The following KDM5B variants were observed in gnomAD, a reference collection of about 807,000 sequenced individuals.
The protein encoded by KDM5B is lysine demethylase 5B, also known as lysine-specific demethylase 5B.
In KDM5B, 144 loss-of-function variants were observed where a neutral mutation model predicts 193.4. That is an observed-to-expected ratio of 0.74 (90% CI 0.65 to 0.86). The LOEUF is 0.86. Among genes scored for constraint, KDM5B ranks in the 40% least tolerant of loss-of-function variants. The pLI, the probability that KDM5B is intolerant of heterozygous loss-of-function variation, is 0.00. For synonymous variants in KDM5B, 668 were observed against 682.6 expected (o/e 0.98, Z 0.33); for missense variants, 1,833 against 1,886.9 (o/e 0.97, Z 0.53).
At chr1:202,783,941 A>C (rs1657304778) in intron 1 of KDM5B, among the ~76,000 whole-genome samples, 1 of 152,198 alleles carries the variant, frequency 6.6e-6, no homozygotes, top group African/African-American at 2.4e-5. Context: ...TTAGGAAGGC[A>C]ATTAAGTAGA....
rs758106474 is a variant in KDM5B, at chr1:202,742,844, T to A, written c.2324-39A>T. 6 of 1,567,500 alleles carry A rather than the reference T, an allele frequency of 3.8e-6. No individual in the cohort carries two copies. In the African/African-American group the frequency reaches 8.2e-5, roughly 21 times the overall value. On this transcript the variant is annotated intron_variant, in intron 16 of 26. Transcript: ENST00000367265. ...AAAAAGTCATATTTTCTGTAATCAT[T>A]ATGTTTATTACTACTGGTATGAAAT... is the stretch of plus-strand genomic sequence containing the variant.
chr1:202,764,301 C>T (rs538560055), intron 5 of KDM5B, among the ~76,000 whole-genome samples, 156 bp from the exon 6 acceptor site: 1 of 152,122 alleles, frequency 6.6e-6, no homozygotes, highest in Non-Finnish European at 1.5e-5. Context: ...AGAGAGCTCA[C>T]CTTTGAAACT....
chr1:202,772,243 A>G (rs1656750473), intron 4 of KDM5B, among the ~76,000 whole-genome samples: 1 of 152,170 alleles, frequency 6.6e-6, no homozygotes, highest in East Asian at 1.9e-4. Context: ...TCTTCTTTCT[A>G]CCAAGGCCTG....
chr1:202,731,234 A>G (rs1257442678), intron 24 of KDM5B, among the ~76,000 whole-genome samples, 171 bp from the exon 25 acceptor site: 1 of 152,236 alleles, frequency 6.6e-6, no homozygotes, highest in Non-Finnish European at 1.5e-5. Flanking sequence ...TAAAGCCACA[A>G]TATAATAAAC....
chr1:202,740,466 T>C (rs868418420), intron 20 of KDM5B, among the ~76,000 whole-genome samples: 12 of 75,418 alleles, frequency 1.6e-4, no homozygotes, highest in Admixed American at 6.0e-4. Context: ...GCTGACCCCC[T>C]CACCTCCCTC....
intron 16 of KDM5B, among the ~76,000 whole-genome samples, chr1:202,745,628 G>C (rs1376716201): frequency 1.3e-5 from 2 of 152,132 alleles, no homozygotes; most frequent in Non-Finnish European, 2.9e-5. Flanking sequence ...TTAAGTAAGT[G>C]ATGTTGCACA....
intron 16 of KDM5B, among the ~76,000 whole-genome samples, chr1:202,745,314 CCT>C (rs1295397438): frequency 2.0e-5 from 3 of 151,984 alleles, no homozygotes; most frequent in Non-Finnish European, 2.9e-5. Flanking sequence ...CACATATACC[CCT>C]GAGGTGAAAA....
chr1:202,789,466 TGAGCC>T (rs1657547403), intron 1 of KDM5B, among the ~76,000 whole-genome samples: 1 of 145,538 alleles, frequency 6.9e-6, no homozygotes, highest in Non-Finnish European at 1.5e-5. Context: ...GGTTGCAAAG[TGAGCC>T]GAGACAAGTG....
chr1:202,768,781 A>T (rs1475590913), intron 4 of KDM5B, among the ~76,000 whole-genome samples: 1 of 146,720 alleles, frequency 6.8e-6, no homozygotes, highest in Admixed American at 6.9e-5. Flanking sequence ...GCAAAGGTGC[A>T]ATCTCGGCTC....
intron 11 of KDM5B, among the ~76,000 whole-genome samples, chr1:202,754,741 G>A (rs979342349): frequency 6.6e-6 from 1 of 152,182 alleles, no homozygotes; most frequent in African/African-American, 2.4e-5. Flanking sequence ...GGAGTGCAAT[G>A]GTGCGGTCTC....
chr1:202,756,995 C>A (rs1656038248), intron 9 of KDM5B, among the ~76,000 whole-genome samples: 1 of 152,082 alleles, frequency 6.6e-6, no homozygotes. Flanking sequence ...CAGTATATAG[C>A]AGTGGTCGCC....
intron 25 of KDM5B, among the ~76,000 whole-genome samples, chr1:202,730,529 T>C (rs1287438192): frequency 6.6e-6 from 1 of 152,200 alleles, no homozygotes; most frequent in Non-Finnish European, 1.5e-5. Context: ...TACTACTTGG[T>C]ATGGCAAATG....
At position 202,777,513 on chromosome 1, in the gene KDM5B, A is replaced by T. The variant is rs900307691; in HGVS notation, c.205-419T>A. ...TAACTTTTTTAATTTTTTTTTTTTG[A>T]GATAAGGTTTCACTCTGTTGCCCAG... On this transcript the variant is annotated intron_variant, in intron 1 of 26. Transcript: ENST00000367265. Among the ~76,000 whole-genome samples the T allele has an allele frequency of 4.9e-5, 7 of 141,934 alleles. No homozygotes were observed. The South Asian group carries it at 1.5e-3, about 30-fold the overall frequency. 93.1% of individuals were successfully genotyped at this position (141,934 alleles called of 152,430 possible). A position where few individuals can be genotyped will look rare whatever the true frequency, so the allele number is the denominator to read the frequency against.
At chr1:202,740,418 C>G (rs1205714084) in intron 20 of KDM5B, among the ~76,000 whole-genome samples, 1 of 127,234 alleles carries the variant, frequency 7.9e-6, no homozygotes, top group African/African-American at 2.7e-5. Context: ...CTGACCCCCC[C>G]ACCTCCCTCC....
chr1:202,807,648 C>A (rs1394969063), intron 1 of KDM5B, among the ~76,000 whole-genome samples: 2 of 143,692 alleles, frequency 1.4e-5, no homozygotes, highest in Non-Finnish European at 3.1e-5. Flanking sequence ...AAGTCCCCCA[C>A]CCCCACCCCA....
At chr1:202,759,934 G>A (rs1656177923) in intron 8 of KDM5B, among the ~76,000 whole-genome samples, 2 of 152,174 alleles carry the variant, frequency 1.3e-5, no homozygotes, top group Non-Finnish European at 2.9e-5. Context: ...CATACATTGT[G>A]GAACTCACTT....
chr1:202,802,636 G>C (rs535119159), intron 1 of KDM5B, among the ~76,000 whole-genome samples: 1 of 151,918 alleles, frequency 6.6e-6, no homozygotes, highest in Non-Finnish European at 1.5e-5. Context: ...CAAGCGATCC[G>C]CCCACTTAGG....
chr1:202,798,062 A>G (rs1310219493), intron 1 of KDM5B, among the ~76,000 whole-genome samples: 2 of 152,154 alleles, frequency 1.3e-5, no homozygotes, highest in African/African-American at 4.8e-5. Context: ...GCATGATGGT[A>G]TGCACCTGTA....
At position 202,774,693 on chromosome 1, in the gene KDM5B, T is replaced by C; in HGVS notation, c.325A>G (p.Lys109Glu). Residue 109 changes from lysine (K) to glutamate (E), a missense_variant, in exon 3 of 27, where the codon AAG becomes GAG. Lys to Glu is a moderately conservative substitution (Grantham distance 56). Coordinates refer to ENST00000367265, the MANE Select transcript of KDM5B (RefSeq NM_006618.5). The stretch of plus-strand genomic sequence containing the variant: ...GTACTTCCCTGTAACTCCCAGTACT[T>C]TGCAATCTGGTCCAAGAAATTCAAT... Reference protein sequence around the residue: ...VKLNFLDQIAKYWELQGSTLK... With the variant: ...VKLNFLDQIAEYWELQGSTLK... 6.2e-7 allele frequency: 1 copy of C among 1,613,068 alleles called. No individual in the cohort carries two copies. The highest frequency in any genetic ancestry group is 8.5e-7 in the Non-Finnish European group (1 of 1,179,076).
Sources: gnomAD v4.1 joint callset for allele counts (sites outside exome capture counted in the v4.1 genomes callset) on GRCh38, gnomAD v4.1.1 for gene constraint, MANE v1.5 for transcripts, NCBI Gene and HGNC (gene_info 2026-07-23, HGNC 2026-07-21) for gene names.